The following MARCHF8 variants were observed in gnomAD, a reference collection of about 807,000 sequenced individuals.
MARCHF8 encodes E3 ubiquitin-protein ligase MARCHF8.
MARCHF8 carries 40 observed loss-of-function variants against 51.6 expected under a neutral mutation model. The observed-to-expected ratio is 0.77, with a 90% CI of 0.60 to 1.01. The LOEUF is 1.01. Ranked by LOEUF, MARCHF8 falls within the 50% of genes least tolerant of loss-of-function variation. The pLI, the probability that MARCHF8 is intolerant of heterozygous loss-of-function variation, is 0.00. For synonymous variants in MARCHF8, 263 were observed against 280.3 expected (o/e 0.94, Z 0.62); for missense variants, 685 against 708.6 (o/e 0.97, Z 0.38).
chr10:45,593,305 ATG>A (rs992169442), intron 1 of MARCHF8: 2 of 151,912 alleles, frequency 1.3e-5, no homozygotes, highest in Non-Finnish European at 2.9e-5. Context: ...TTAGGAAACT[ATG>A]TGCTACTCTT....
In MARCHF8 at chr10:45,590,697, G is replaced by A. The variant is rs1011716041; in HGVS notation, c.-79+3538C>T. ...ATATGCATAAGCAAACAATATTTTG[G>A]GGGGATATACATATACAACGTAAAA... On this transcript the variant is annotated intron_variant, in intron 1 of 6. Coordinates refer to the MARCHF8 transcript ENST00000319836. Among the ~76,000 whole-genome samples, 13 of 152,202 alleles carry A rather than the reference G, an allele frequency of 8.5e-5. 1 individual carries two copies. Among genetic ancestry groups the A allele is most frequent in the Middle Eastern group, 6.8e-3 (2 of 294 alleles).
chr10:45,487,965 C>T (rs1256091157), intron 3 of MARCHF8, among the ~76,000 whole-genome samples: 1 of 152,060 alleles, frequency 6.6e-6, no homozygotes, highest in Non-Finnish European at 1.5e-5. Flanking sequence ...AAGGTCCACC[C>T]TTACAAAGAA....
intron 3 of MARCHF8, among the ~76,000 whole-genome samples, chr10:45,484,861 C>T (rs1008259551): frequency 6.6e-6 from 1 of 152,154 alleles, no homozygotes; most frequent in Non-Finnish European, 1.5e-5. Flanking sequence ...GGATATTGCA[C>T]AGGATCAGGT....
chr10:45,458,775 C>T (rs1009691647), intron 7 of MARCHF8, among the ~76,000 whole-genome samples: 5 of 152,174 alleles, frequency 3.3e-5, no homozygotes, highest in African/African-American at 1.2e-4. Flanking sequence ...CCCTCAGCCT[C>T]AAGTATCTGG....
chr10:45,545,241 T>C (rs773794728), intron 1 of MARCHF8, among the ~76,000 whole-genome samples: 6 of 152,220 alleles, frequency 3.9e-5, no homozygotes, highest in Admixed American at 2.0e-4. Context: ...TTGCTCACCT[T>C]TGTATCTCTC....
chr10:45,533,983 A>C (rs1402387394), intron 1 of MARCHF8, among the ~76,000 whole-genome samples: 7 of 152,192 alleles, frequency 4.6e-5, no homozygotes, highest in African/African-American at 1.7e-4. Flanking sequence ...GGAGATCGAG[A>C]CCACCCTGGC....
At chr10:45,590,550 A>G (rs899763537) in intron 1 of MARCHF8, among the ~76,000 whole-genome samples, 4 of 152,200 alleles carry the variant, frequency 2.6e-5, no homozygotes, top group African/African-American at 9.7e-5. Context: ...CCAATCCTAG[A>G]TGTATATTCC....
At chr10:45,571,163 G>T (rs567217187) in intron 1 of MARCHF8, among the ~76,000 whole-genome samples, 2 of 152,322 alleles carry the variant, frequency 1.3e-5, no homozygotes, top group African/African-American at 2.4e-5. Context: ...GAACAAAGTT[G>T]AAGGAGTTAA....
At chr10:45,568,457 A>C (rs2044389449) in intron 1 of MARCHF8, among the ~76,000 whole-genome samples, 2 of 152,170 alleles carry the variant, frequency 1.3e-5, no homozygotes, top group Non-Finnish European at 1.5e-5. Context: ...GCAGTGGCTC[A>C]CACCCGTAAT....
At chr10:45,535,577 C>A (rs1489513884), upstream of MARCHF8, among the ~76,000 whole-genome samples, 1 of 152,156 alleles carries the variant, frequency 6.6e-6, no homozygotes, top group African/African-American at 2.4e-5. Flanking sequence ...AAGCAACAGA[C>A]CTATAAGTTT....
chr10:45,573,971 C>G (rs2044460903), intron 1 of MARCHF8, among the ~76,000 whole-genome samples: 1 of 152,178 alleles, frequency 6.6e-6, no homozygotes, highest in African/African-American at 2.4e-5. Context: ...TAGGTCAAAA[C>G]ATTTTAACTA....
rs1050783059 is a variant in MARCHF8 at position 45,457,973 on chromosome 10, C to A, written c.*266G>T. On this transcript the variant is annotated 3_prime_UTR_variant, in exon 8 of 8. Coordinates refer to ENST00000453424, the MANE Select transcript of MARCHF8 (RefSeq NM_001282866.2). ...CTCTCATTCAGCTCAAGACCATGGG[C>A]AGGAACTCTGCTGGCTCCCCATGAT... 7 of 460,128 alleles carry A rather than the reference C, an allele frequency of 1.5e-5. No homozygotes were observed. The highest frequency in any genetic ancestry group is 1.1e-3 in the Middle Eastern group (2 of 1,806). The allele number at this position is 460,128 out of a possible 1,614,324, so 28.5% of individuals were successfully genotyped here. A position where few individuals can be genotyped will look rare whatever the true frequency, so the allele number is the denominator to read the frequency against.
At chr10:45,489,475 C>T in intron 2 of MARCHF8, 58 bp from the exon 3 acceptor site, 1 of 1,453,246 alleles carries the variant, frequency 6.9e-7, no homozygotes, top group Non-Finnish European at 9.6e-7. Context: ...ATGCAAAGAA[C>T]AAGTAATTGA....
chr10:45,552,568 A>T (rs2044207918), intron 1 of MARCHF8, among the ~76,000 whole-genome samples: 1 of 152,200 alleles, frequency 6.6e-6, no homozygotes, highest in Non-Finnish European at 1.5e-5. Flanking sequence ...GAAGACCTAG[A>T]ATATTTCATT....
intron 2 of MARCHF8, among the ~76,000 whole-genome samples, chr10:45,508,948 A>C (rs1015658194): frequency 6.6e-6 from 1 of 152,208 alleles, no homozygotes; most frequent in Non-Finnish European, 1.5e-5. Context: ...ATGATCAGTA[A>C]AAAATTAACT....
chr10:45,507,775 A>C (rs926129849), intron 2 of MARCHF8, among the ~76,000 whole-genome samples: 6 of 151,968 alleles, frequency 3.9e-5, no homozygotes, highest in African/African-American at 1.5e-4. Flanking sequence ...GAGAAAAGAT[A>C]ATTTTACTTG....
At chr10:45,540,478 T>G (rs1032893680) in intron 1 of MARCHF8, among the ~76,000 whole-genome samples, 4 of 152,076 alleles carry the variant, frequency 2.6e-5, no homozygotes, top group African/African-American at 7.2e-5. Context: ...GAAGAAAACC[T>G]AGGCAATACC....
intron 2 of MARCHF8, among the ~76,000 whole-genome samples, chr10:45,513,293 A>C (rs1229354408): frequency 6.6e-6 from 1 of 152,168 alleles, no homozygotes; most frequent in Non-Finnish European, 1.5e-5. Flanking sequence ...GTGCTATATG[A>C]GCAAGTAACC....
intron 1 of MARCHF8, among the ~76,000 whole-genome samples, chr10:45,585,754 T>G (rs2044611742): frequency 6.6e-6 from 1 of 152,152 alleles, no homozygotes; most frequent in Non-Finnish European, 1.5e-5. Context: ...TATTCAATAT[T>G]TGAAAAATGA....
Sources: allele counts gnomAD v4.1 joint callset (sites outside exome capture counted in the v4.1 genomes callset), GRCh38; gene constraint gnomAD v4.1.1; transcripts MANE v1.5; gene names NCBI Gene and HGNC (gene_info 2026-07-23, HGNC 2026-07-21).